The following DNAJC11 variants were observed in gnomAD, a reference collection of about 807,000 sequenced individuals.
DNAJC11 encodes the protein dnaJ homolog subfamily C member 11.
Under a neutral mutation model 78.6 loss-of-function variants are expected in DNAJC11, and 15 were observed. The ratio of observed to expected loss-of-function variants is 0.19; its 90% CI spans 0.13 to 0.29. DNAJC11 has a LOEUF of 0.29. Ranked by LOEUF, DNAJC11 falls within the 10% of genes least tolerant of loss-of-function variation. DNAJC11 has a pLI of 1.00. For missense variants in DNAJC11, 547 were observed against 709.6 expected (o/e 0.77, Z 2.60); for synonymous variants, 292 against 272.1 (o/e 1.07, Z -0.72).
In DNAJC11 at chr1:6,669,192, A is replaced by G. The variant is rs565378402; in HGVS notation, c.277-1382T>C. On this transcript the variant is annotated intron_variant, in intron 3 of 15. Coordinates refer to ENST00000377577, the MANE Select transcript of DNAJC11 (RefSeq NM_018198.4). Reference sequence around the variant, plus strand: ...ACAGAGCAAGACTCTCTCTTAAAAAAAAAAAGAAAAAGAAAAAGGAAAATA... The same window carrying G: ...ACAGAGCAAGACTCTCTCTTAAAAAGAAAAAGAAAAAGAAAAAGGAAAATA... 2.2e-4 allele frequency among the ~76,000 whole-genome samples: 34 copies of G among 151,400 alleles called. No individual in the cohort carries two copies. In the South Asian group the frequency reaches 3.6e-3, roughly 16 times the overall value.
intron 1 of DNAJC11, among the ~76,000 whole-genome samples, chr1:6,688,154 G>A (rs1001425086): frequency 7.2e-5 from 11 of 152,280 alleles, no homozygotes; most frequent in East Asian, 1.9e-4. Flanking sequence ...CAAGCCCAGC[G>A]AAAGGGAAAA....
intron 10 of DNAJC11, among the ~76,000 whole-genome samples, chr1:6,641,553 G>C (rs1265307348): frequency 1.5e-5 from 2 of 135,434 alleles, no homozygotes; most frequent in Non-Finnish European, 3.2e-5. Flanking sequence ...TTTTTTTTTT[G>C]AAGTGACAGG....
intron 4 of DNAJC11, among the ~76,000 whole-genome samples, chr1:6,659,616 G>T (rs1642178099): frequency 1.3e-5 from 2 of 152,092 alleles, no homozygotes; most frequent in East Asian, 3.9e-4. Context: ...AAAAACATGA[G>T]CCGGGCATGG....
intron 9 of DNAJC11, 81 bp from the exon 10 acceptor site, chr1:6,644,755 T>C (rs1202384008): frequency 8.1e-7 from 1 of 1,236,336 alleles, no homozygotes; most frequent in Non-Finnish European, 1.2e-6. Context: ...AGAGGCCAGG[T>C]ACCTTCCCTT....
intron 4 of DNAJC11, among the ~76,000 whole-genome samples, chr1:6,662,685 G>C (rs1437711147): frequency 6.6e-6 from 1 of 152,090 alleles, no homozygotes; most frequent in East Asian, 1.9e-4. Flanking sequence ...GCTGTAAAAA[G>C]CACCAATTAG....
rs2147881089 is a variant in DNAJC11, at chr1:6,684,511, A to T, written c.73-3474T>A. Among the ~76,000 whole-genome samples the T allele has an allele frequency of 1.3e-5, 2 of 152,354 alleles. 1 individual carries two copies. The highest frequency in any genetic ancestry group is 4.1e-4 in the South Asian group (2 of 4,832). The stretch of plus-strand genomic sequence containing the variant: ...TTCCTGGTTATTAAAATTAAACTAG[A>T]TGACAAGAGAGTAGAATATCTACTC... On this transcript the variant is annotated intron_variant, in intron 1 of 15. Coordinates refer to ENST00000377577, the MANE Select transcript of DNAJC11 (RefSeq NM_018198.4).
chr1:6,686,935 T>C (rs1391592815), intron 1 of DNAJC11, among the ~76,000 whole-genome samples: 8 of 152,228 alleles, frequency 5.3e-5, no homozygotes. Flanking sequence ...CTCCACAAAC[T>C]ATATTCTACT....
rs143169954 is a variant in DNAJC11 at position 6,654,070 on chromosome 1, C to A, written c.379-31G>T. 159 of 1,607,478 alleles carry A rather than the reference C, an allele frequency of 9.9e-5. 1 individual carries two copies. In the African/African-American group the frequency reaches 1.7e-3, roughly 18 times the overall value. On this transcript the variant is annotated intron_variant, in intron 4 of 15. Transcript: ENST00000377577. ...GCAGAAAAACAAGCCGTCAGCAGAA[C>A]GGGTGGTATTTGTGGAATGAAAGAC...
intron 3 of DNAJC11, among the ~76,000 whole-genome samples, chr1:6,677,270 A>G (rs916454329): frequency 1.3e-5 from 2 of 151,996 alleles, no homozygotes; most frequent in Non-Finnish European, 2.9e-5. Flanking sequence ...GACTAGCAAA[A>G]TTTATTGGGC....
At chr1:6,664,043 C>G (rs752530570) in intron 4 of DNAJC11, among the ~76,000 whole-genome samples, 1 of 152,064 alleles carries the variant, frequency 6.6e-6, no homozygotes, top group Non-Finnish European at 1.5e-5. Flanking sequence ...TGTGCATGCA[C>G]GTGTTTCATC....
rs1309558849 is a variant in DNAJC11, at chr1:6,680,550, T to A, written c.202+358A>T. On this transcript the variant is annotated intron_variant, in intron 2 of 15. Coordinates refer to ENST00000377577, the MANE Select transcript of DNAJC11 (RefSeq NM_018198.4). This position sits in a 1 kb window ranked among gnomAD's most constrained non-coding sequence, Gnocchi z 4.0. Reference sequence around the variant, plus strand: ...TCACTTTTGGATGAAAAAATGTCCTTGTATCTTCTAACAAAAAAGAGAACA... The same window carrying A: ...TCACTTTTGGATGAAAAAATGTCCTAGTATCTTCTAACAAAAAAGAGAACA... Among the ~76,000 whole-genome samples, 1 of 152,198 alleles carries A rather than the reference T, an allele frequency of 6.6e-6. No homozygotes were observed. The highest frequency in any genetic ancestry group is 1.5e-5 in the Non-Finnish European group (1 of 68,026).
At chr1:6,641,342 C>T (rs1268959569) in intron 10 of DNAJC11, among the ~76,000 whole-genome samples, 1 of 148,214 alleles carries the variant, frequency 6.7e-6, no homozygotes, top group Non-Finnish European at 1.5e-5. Flanking sequence ...GCCAAATGCA[C>T]TCCAGTCTGG....
Position 6,652,943 on chromosome 1 carries a change from C to G in DNAJC11, c.516G>C (p.Leu172Phe), listed in dbSNP as rs1270435698. The change falls in exon 6 of 16, where the codon TTG (leucine) becomes TTC (phenylalanine). Residue 172 changes from leucine to phenylalanine, a missense_variant. Leu to Phe is a conservative substitution (Grantham distance 22). Coordinates refer to ENST00000377577, the MANE Select transcript of DNAJC11 (RefSeq NM_018198.4). ...AGAGGATGGCTGTGTCTGTCGCTGTCAAGGGTGCCTAAAAATGGTATTTGC... is the reference window on the plus strand; with the variant it reads ...AGAGGATGGCTGTGTCTGTCGCTGTGAAGGGTGCCTAAAAATGGTATTTGC... Reference protein sequence around the residue: ...MHISQSIEAPLTATDTAILSG... With the variant: ...MHISQSIEAPFTATDTAILSG... 6.2e-7 allele frequency: 1 copy of G among 1,614,018 alleles called. No individual in the cohort carries two copies. The highest frequency in any genetic ancestry group is 1.1e-5 in the South Asian group (1 of 91,068).
At position 6,644,559 on chromosome 1, in the gene DNAJC11, T is replaced by C; in HGVS notation, c.1096A>G (p.Lys366Glu). The change falls in exon 10 of 16, where the codon AAG becomes GAG. Residue 366 changes from lysine to glutamate, a missense_variant and splice_region_variant. Transcript: ENST00000377577. ...GVPQGVSLKV[K>E]LNRASQTYFF... ...CCGAAAGGCCTAAGTTCAACTTACT[T>C]GACTTTGAGAGAAACACCCTGTGGA... The C allele has an allele frequency of 6.2e-7, 1 of 1,611,782 alleles. No individual in the cohort carries two copies. Among genetic ancestry groups the C allele is most frequent in the Non-Finnish European group, 8.5e-7 (1 of 1,177,898 alleles).
At chr1:6,643,956 C>T (rs1235823582) in intron 10 of DNAJC11, among the ~76,000 whole-genome samples, 3 of 151,926 alleles carry the variant, frequency 2.0e-5, no homozygotes, top group Non-Finnish European at 4.4e-5. Context: ...CTGCAAGCTC[C>T]GCCTCCTGGG....
chr1:6,644,935 AC>A, intron 9 of DNAJC11, 105 bp downstream of exon 9: 1 of 1,092,748 alleles, frequency 9.2e-7, no homozygotes, highest in South Asian at 1.3e-5. Flanking sequence ...AATGTCACAC[AC>A]ACGTAGATAT....
chr1:6,654,923 C>T (rs904069860), intron 4 of DNAJC11, among the ~76,000 whole-genome samples: 1 of 152,032 alleles, frequency 6.6e-6, no homozygotes, highest in Non-Finnish European at 1.5e-5. Flanking sequence ...CTTAGTCTCC[C>T]GAGTAGCTGG....
chr1:6,642,327 G>A (rs187427731), intron 10 of DNAJC11, among the ~76,000 whole-genome samples: 2 of 152,340 alleles, frequency 1.3e-5, no homozygotes, highest in African/African-American at 4.8e-5. Context: ...ACACAAGGAG[G>A]GAGACAGGTT....
At chr1:6,701,681 C>G in intron 1 of DNAJC11, 48 bp downstream of exon 1, 1 of 1,484,838 alleles carries the variant, frequency 6.7e-7, no homozygotes, top group Non-Finnish European at 8.9e-7. Flanking sequence ...CCCTCCCGAA[C>G]GACCGGGCTC....
Sources: allele counts gnomAD v4.1 joint callset (sites outside exome capture counted in the v4.1 genomes callset), GRCh38; gene constraint gnomAD v4.1.1; non-coding constraint Gnocchi (gnomAD v3.1); transcripts MANE v1.5; gene names NCBI Gene and HGNC (gene_info 2026-07-23, HGNC 2026-07-21).